Variants in NACC2 observed in about 807,000 individuals in gnomAD.
NACC2 encodes NACC family member 2.
NACC2 carries 8 observed loss-of-function variants against 25.1 expected under a neutral mutation model. The observed-to-expected ratio is 0.32, with a 90% CI of 0.19 to 0.57. The LOEUF (loss-of-function observed/expected upper bound fraction) is 0.57. Ranked by LOEUF, NACC2 falls within the 20% of genes least tolerant of loss-of-function variation. The probability of loss-of-function intolerance (pLI) is 0.89; values close to 1 mark genes in which losing one functional copy is unlikely to be tolerated. For missense variants in NACC2, 644 were observed against 650.2 expected, an observed-to-expected ratio of 0.99 and a Z score of 0.10; for synonymous variants, 435 against 294.7, an observed-to-expected ratio of 1.48 and a Z score of -4.88.
intron 2 of NACC2, 70 bp from the exon 3 acceptor site, chr9:136,016,499 GC>G (rs1840206045): frequency 1.3e-6 from 2 of 1,577,154 alleles, no homozygotes; most frequent in East Asian, 2.2e-5. Flanking sequence ...CTGCCCGCCT[GC>G]CCTCCATGCT....
chr9:136,015,841 C>T (rs956292990), intron 3 of NACC2, among the ~76,000 whole-genome samples: 1 of 152,206 alleles, frequency 6.6e-6, no homozygotes, highest in Non-Finnish European at 1.5e-5. Context: ...GAGCGAGGCC[C>T]GGCCCCCACG....
chr9:136,064,382 A>G (rs1841055283), intron 1 of NACC2, among the ~76,000 whole-genome samples: 1 of 128,778 alleles, frequency 7.8e-6, no homozygotes, highest in African/African-American at 2.7e-5. Flanking sequence ...AGTATACAAA[A>G]ATCACAAGTA....
intron 1 of NACC2, among the ~76,000 whole-genome samples, chr9:136,064,735 G>A (rs574703409): frequency 2.0e-5 from 3 of 152,248 alleles, no homozygotes; most frequent in Non-Finnish European, 2.9e-5. Context: ...AATTCATATG[G>A]AAACGCAAGG....
At chr9:136,053,491 G>A (rs1172105105) in intron 1 of NACC2, among the ~76,000 whole-genome samples, 2 of 152,086 alleles carry the variant, frequency 1.3e-5, no homozygotes, top group African/African-American at 4.8e-5. Flanking sequence ...GGGCCCAGCT[G>A]TCACCCTCCC....
chr9:136,083,594 C>G (rs959270727), intron 1 of NACC2, among the ~76,000 whole-genome samples: 1 of 152,242 alleles, frequency 6.6e-6, no homozygotes, highest in Non-Finnish European at 1.5e-5. Flanking sequence ...CTGTGAAGAG[C>G]GCCGTGCAGA....
At chr9:136,042,572 A>C (rs963323203) in intron 2 of NACC2, among the ~76,000 whole-genome samples, 29 of 152,316 alleles carry the variant, frequency 1.9e-4, no homozygotes, top group African/African-American at 7.0e-4. Context: ...AAACGAGCCC[A>C]ACATGAACCA....
intron 2 of NACC2, 59 bp from the exon 3 acceptor site, chr9:136,016,488 C>T (rs985438533): frequency 2.5e-6 from 4 of 1,590,624 alleles, no homozygotes; most frequent in Middle Eastern, 2.3e-4. Flanking sequence ...CTGCTCTGTG[C>T]CTGCCCGCCT....
chr9:136,015,378 T>G (rs1192707367), intron 3 of NACC2, among the ~76,000 whole-genome samples: 2 of 152,034 alleles, frequency 1.3e-5, no homozygotes, highest in African/African-American at 4.8e-5. Flanking sequence ...CACAGCAAGG[T>G]GGGCCCCTAC....
intron 1 of NACC2, among the ~76,000 whole-genome samples, 190 bp downstream of exon 1, chr9:136,094,999 G>A (rs1383806408): frequency 6.8e-6 from 1 of 146,082 alleles, no homozygotes; most frequent in Non-Finnish European, 1.5e-5. Flanking sequence ...TCCCGAGGCC[G>A]GTTCCCGCGC....
At position 136,018,719 on chromosome 9, in the gene NACC2, A is replaced by G. The variant is rs536560029; in HGVS notation, c.887-2290T>C. 6.6e-5 allele frequency among the ~76,000 whole-genome samples: 10 copies of G among 152,150 alleles called. No homozygotes were observed. The highest frequency in any genetic ancestry group is 2.4e-4 in the African/African-American group (10 of 41,520). ...CAGGCAGCATTTCCCGGTGGGGCAG[A>G]GCATCGCAGGATAAGCCCAGAATTA... On this transcript the variant is annotated intron_variant, in intron 2 of 5. Coordinates refer to ENST00000277554, the MANE Select transcript of NACC2 (RefSeq NM_144653.5). This position sits in a 1 kb window ranked among gnomAD's most constrained non-coding sequence, Gnocchi z 4.4.
Position 136,007,471 on chromosome 9 carries a change from A to ACATG in NACC2, c.*4044_*4045insCATG, listed in dbSNP as rs1840036204. On this transcript the variant is annotated 3_prime_UTR_variant, in exon 6 of 6. Transcript: ENST00000277554. ...CACACACGCGCACACAGACGCACAC[A>ACATG]CACAGACGCACACACGCACAGACAC... 3 of 150,042 alleles carry ACATG rather than the reference A, an allele frequency of 2.0e-5. No homozygotes were observed. Among genetic ancestry groups the ACATG allele is most frequent in the African/African-American group, 7.4e-5 (3 of 40,584 alleles). 9.3% of individuals were successfully genotyped at this position (150,042 alleles called of 1,614,324 possible).
chr9:136,040,797 A>C (rs1028641730), intron 2 of NACC2, among the ~76,000 whole-genome samples: 24 of 152,008 alleles, frequency 1.6e-4, no homozygotes, highest in Non-Finnish European at 2.5e-4. Context: ...CTGTCTCTAC[A>C]AAAACGCAAA....
chr9:136,066,071 T>C (rs1017623745), intron 1 of NACC2, among the ~76,000 whole-genome samples: 6 of 151,314 alleles, frequency 4.0e-5, no homozygotes, highest in Non-Finnish European at 8.8e-5. Flanking sequence ...TGGGTGCCTG[T>C]AACCCCAGCT....
At chr9:136,051,922 A>AGATGGT in intron 1 of NACC2, among the ~76,000 whole-genome samples, 1 of 148,514 alleles carries the variant, frequency 6.7e-6, no homozygotes, top group Non-Finnish European at 1.5e-5. Context: ...ATGGTGGAGG[A>AGATGGT]GGAGGAGGAG....
intron 1 of NACC2, among the ~76,000 whole-genome samples, chr9:136,066,036 A>G (rs1288349116): frequency 1.3e-5 from 2 of 152,000 alleles, no homozygotes; most frequent in African/African-American, 2.4e-5. Flanking sequence ...TCTACTAAAA[A>G]TACAAAACTA....
intron 1 of NACC2, among the ~76,000 whole-genome samples, chr9:136,088,128 A>G (rs1248908027): frequency 6.6e-6 from 1 of 152,202 alleles, no homozygotes; most frequent in East Asian, 1.9e-4. Context: ...CCAGGTGGAC[A>G]GTGGTTCAGA....
chr9:136,013,190 G>A lies in NACC2; in HGVS notation c.1255+9C>T, dbSNP rs1202511099. ...GCCCCACCCACCCGAGAGACCCCCA[G>A]GCTCTTACATTTCACAGCGTTCAGG... On this transcript the variant is annotated intron_variant, in intron 5 of 5. Coordinates refer to ENST00000277554, the MANE Select transcript of NACC2 (RefSeq NM_144653.5). This position sits in a 1 kb window ranked among gnomAD's most constrained non-coding sequence, Gnocchi z 6.6. 2 of 572,158 alleles carry A rather than the reference G, an allele frequency of 3.5e-6. No individual in the cohort carries two copies. Among genetic ancestry groups the A allele is most frequent in the Non-Finnish European group, 6.5e-6 (2 of 309,162 alleles). The allele number at this position is 572,158 out of a possible 1,614,324, so 35.4% of individuals were successfully genotyped here. A position where few individuals can be genotyped will look rare whatever the true frequency, so the allele number is the denominator to read the frequency against.
intron 1 of NACC2, among the ~76,000 whole-genome samples, chr9:136,070,748 A>C (rs1841141173): frequency 6.6e-6 from 1 of 151,694 alleles, no homozygotes; most frequent in East Asian, 1.9e-4. Flanking sequence ...AATCAATAAA[A>C]TTGAAAACAA....
chr9:136,058,803 C>T (rs527680886), intron 1 of NACC2, among the ~76,000 whole-genome samples: 5 of 152,382 alleles, frequency 3.3e-5, no homozygotes, highest in South Asian at 4.1e-4. Flanking sequence ...CTGCACACTT[C>T]GGGCAATGCC....
Sources: gnomAD v4.1 joint callset for allele counts (sites outside exome capture counted in the v4.1 genomes callset) on GRCh38, gnomAD v4.1.1 for gene constraint, Gnocchi (gnomAD v3.1) non-coding constraint, MANE v1.5 for transcripts, NCBI Gene and HGNC (gene_info 2026-07-23, HGNC 2026-07-21) for gene names.